The following ANK1 variants were observed in gnomAD, a reference collection of about 807,000 sequenced individuals.
The protein encoded by ANK1 is ankyrin 1.
A neutral mutation model predicts 210.4 loss-of-function variants in ANK1; 51 were observed. The ratio of observed to expected loss-of-function variants is 0.24; its 90% CI spans 0.19 to 0.31. The LOEUF (loss-of-function observed/expected upper bound fraction) is 0.31. ANK1 is among the 10% of genes least tolerant of loss of function. ANK1 has a pLI of 1.00. For synonymous variants in ANK1, 967 were observed against 1,025.9 expected, an observed-to-expected ratio of 0.94 and a Z score of 1.10; for missense variants, 2,051 against 2,504.4, an observed-to-expected ratio of 0.82 and a Z score of 3.86.
chr8:41,769,651 C>T (rs928024884), intron 1 of ANK1, among the ~76,000 whole-genome samples: 1 of 152,182 alleles, frequency 6.6e-6, no homozygotes, highest in African/African-American at 2.4e-5. Flanking sequence ...CTACGAGTTG[C>T]ACATTTAAAA....
chr8:41,676,902 C>T (rs1814339638), intron 37 of ANK1, among the ~76,000 whole-genome samples: 1 of 152,196 alleles, frequency 6.6e-6, no homozygotes, highest in Admixed American at 6.5e-5. Context: ...AGTATTTTCT[C>T]ATTTTCAATT....
chr8:41,767,851 G>A (rs557157068), intron 1 of ANK1, among the ~76,000 whole-genome samples: 1 of 152,312 alleles, frequency 6.6e-6, no homozygotes, highest in South Asian at 2.1e-4. Flanking sequence ...GGAGCTTGCC[G>A]AGACGTGGCC....
Position 41,723,165 on chromosome 8 carries a change from A to C in ANK1, c.869T>G (p.Ile290Ser). Reference sequence around the variant, plus strand: ...GATTGGTGCCCCGTGGTCCAGCAGGATCTCTGAGATTCGCACGTGCCCATT... The same window carrying C: ...GATTGGTGCCCCGTGGTCCAGCAGGCTCTCTGAGATTCGCACGTGCCCATT... ...ARNGHVRISEILLDHGAPIQA... is the reference protein window; with the variant it reads ...ARNGHVRISESLLDHGAPIQA... The change falls in exon 9 of 43, where the codon ATC (isoleucine) becomes AGC (serine). Residue 290 changes from isoleucine to serine, a missense_variant. Ile to Ser is a moderately radical substitution (Grantham distance 142, BLOSUM62 -2). Coordinates refer to ENST00000289734, the MANE Select transcript of ANK1 (RefSeq NM_000037.4). 6.2e-7 allele frequency: 1 copy of C among 1,614,188 alleles called. No homozygotes were observed. The highest frequency in any genetic ancestry group is 1.1e-5 in the South Asian group (1 of 91,080).
chr8:41,887,058 T>G (rs569616490), intron 1 of ANK1, among the ~76,000 whole-genome samples: 2 of 152,086 alleles, frequency 1.3e-5, no homozygotes, highest in Non-Finnish European at 2.9e-5. Flanking sequence ...CACAGCACCT[T>G]GGAATCCCTT....
chr8:41,715,967 A>T, intron 13 of ANK1, 118 bp from the exon 14 acceptor site: 1 of 1,168,090 alleles, frequency 8.6e-7, no homozygotes, highest in Non-Finnish European at 1.2e-6. Context: ...TCAAGGTCAC[A>T]CAGCTAAGAA....
At chr8:41,658,151 T>C (rs1045650116) in intron 42 of ANK1, among the ~76,000 whole-genome samples, 4 of 152,202 alleles carry the variant, frequency 2.6e-5, no homozygotes, top group Non-Finnish European at 4.4e-5. Flanking sequence ...ATTACAGGCA[T>C]GAGTCACTAT....
At chr8:41,843,959 C>T (rs971458308) in intron 1 of ANK1, among the ~76,000 whole-genome samples, 1 of 152,228 alleles carries the variant, frequency 6.6e-6, no homozygotes, top group African/African-American at 2.4e-5. Flanking sequence ...ACTGCAGTCT[C>T]CAACTCCTGG....
chr8:41,756,727 G>A (rs1206393169), intron 2 of ANK1, among the ~76,000 whole-genome samples: 1 of 152,204 alleles, frequency 6.6e-6, no homozygotes, highest in Non-Finnish European at 1.5e-5. Context: ...ACAGGCATGA[G>A]CCACTACACC....
At chr8:41,800,973 A>G (rs1032523244), upstream of ANK1, among the ~76,000 whole-genome samples, 6 of 152,328 alleles carry the variant, frequency 3.9e-5, no homozygotes, top group Admixed American at 2.0e-4. Flanking sequence ...TGGACTGTGA[A>G]TAAGTAGAAT....
At chr8:41,698,588 G>A (rs1236230524) in intron 23 of ANK1, among the ~76,000 whole-genome samples, 1 of 152,128 alleles carries the variant, frequency 6.6e-6, no homozygotes, top group Non-Finnish European at 1.5e-5. Flanking sequence ...CAAAGTCGTT[G>A]ATATTAGATT....
intron 2 of ANK1, among the ~76,000 whole-genome samples, chr8:41,743,991 G>A (rs972825318): frequency 6.6e-6 from 1 of 152,192 alleles, no homozygotes; most frequent in Non-Finnish European, 1.5e-5. Flanking sequence ...TGAGCCAGGG[G>A]TGGGGCAGGG....
rs773290615 is a variant in ANK1 at position 41,684,598 on chromosome 8, G to A, written c.4483C>T (p.Pro1495Ser). The change falls in exon 37 of 43, where the codon CCA (proline) becomes TCA (serine). Residue 1495 changes from proline (P) to serine (S), a missense_variant. Coordinates refer to ENST00000289734, the MANE Select transcript of ANK1 (RefSeq NM_000037.4). The part of the protein sequence containing the change: ...GSGRQSRNLK[P>S]DRRHTDRDYS... ...TCGCGGTCGGTGTGCCGCCTGTCTG[G>A]CTTCAAGTTGCGGCTCTGTCGGCCG... is the stretch of plus-strand genomic sequence containing the variant. The A allele has an allele frequency of 3.7e-6, 6 of 1,613,822 alleles. No individual in the cohort carries two copies. The Middle Eastern group carries it at 4.9e-4, about 133-fold the overall frequency.
At chr8:41,893,083 C>T (rs965467429) in intron 1 of ANK1, among the ~76,000 whole-genome samples, 1 of 152,160 alleles carries the variant, frequency 6.6e-6, no homozygotes, top group Non-Finnish European at 1.5e-5. Context: ...CCTCTTCTAT[C>T]CTCTGCTTCA....
In ANK1 at chr8:41,835,413, T is replaced by C. The variant is rs185594718; in HGVS notation, c.126+60942A>G. ...GTAGCAGTGAGCTGAGATCGTATTA[T>C]TGCACTCCAGCCTGGGAGACACAGC... On this transcript the variant is annotated intron_variant, in intron 1 of 42. Transcript: ENST00000265709. Among the ~76,000 whole-genome samples, 523 of 152,132 alleles carry C rather than the reference T, an allele frequency of 3.4e-3. 2 individuals carry two copies. The highest frequency in any genetic ancestry group is 0.011 in the African/African-American group (457 of 41,508).
chr8:41,890,312 C>T (rs1441848130), intron 1 of ANK1, among the ~76,000 whole-genome samples: 1 of 152,218 alleles, frequency 6.6e-6, no homozygotes, highest in Non-Finnish European at 1.5e-5. Context: ...GGGCAGCCGA[C>T]TCCATGCCAG....
Position 41,804,350 on chromosome 8 carries a change from A to G in ANK1, c.127-46213T>C, listed in dbSNP as rs150682154. On this transcript the variant is annotated intron_variant, in intron 1 of 42. Coordinates refer to the ANK1 transcript ENST00000265709. ...TCATGGCCTAGTCTAGACATCACAT[A>G]TCATCACTTCTGCCACATTCTATTT... 3.3e-5 allele frequency among the ~76,000 whole-genome samples: 5 copies of G among 152,334 alleles called. No individual in the cohort carries two copies. The East Asian group carries it at 9.6e-4, about 29-fold the overall frequency.
At chr8:41,855,388 G>C (rs1446354934) in intron 1 of ANK1, among the ~76,000 whole-genome samples, 1 of 152,212 alleles carries the variant, frequency 6.6e-6, no homozygotes, top group Non-Finnish European at 1.5e-5. Context: ...TTTAAAAGGT[G>C]CTTGAGAGAA....
intron 1 of ANK1, among the ~76,000 whole-genome samples, chr8:41,810,584 G>A (rs1802335598): frequency 6.6e-6 from 1 of 152,218 alleles, no homozygotes; most frequent in Admixed American, 6.5e-5. Context: ...AGGTCCATCG[G>A]GCCACACAGG....
At chr8:41,683,197 C>T (rs761070912) in intron 37 of ANK1, among the ~76,000 whole-genome samples, 6 of 152,200 alleles carry the variant, frequency 3.9e-5, no homozygotes, top group South Asian at 2.1e-4. Flanking sequence ...TGCATGTGGA[C>T]GTGGCCGGCT....
Sources: allele counts gnomAD v4.1 joint callset (sites outside exome capture counted in the v4.1 genomes callset), GRCh38; gene constraint gnomAD v4.1.1; transcripts MANE v1.5; gene names NCBI Gene and HGNC (gene_info 2026-07-23, HGNC 2026-07-21).